Variants in CHCHD2 observed in about 807,000 individuals in gnomAD.
CHCHD2 encodes coiled-coil-helix-coiled-coil-helix domain-containing protein 2.
Under a neutral mutation model 17.5 loss-of-function variants are expected in CHCHD2, and 17 were observed. The observed-to-expected ratio is 0.97, with a 90% CI of 0.67 to 1.46. The LOEUF (loss-of-function observed/expected upper bound fraction) is 1.46. Ranked by LOEUF, CHCHD2 falls within the 40% of genes most tolerant of loss-of-function variation. CHCHD2 has a pLI of 0.00. For synonymous variants in CHCHD2, 63 were observed against 74.3 expected, an observed-to-expected ratio of 0.85 and a Z score of 0.78; for missense variants, 175 against 199.9, an observed-to-expected ratio of 0.88 and a Z score of 0.75.
At chr7:56,103,588 C>T (rs963836898) in intron 2 of CHCHD2, among the ~76,000 whole-genome samples, 11 of 152,270 alleles carry the variant, frequency 7.2e-5, no homozygotes, top group Middle Eastern at 3.4e-3. Context: ...GCCTCCGTTC[C>T]CAGCCAAAAG....
chr7:56,106,276 C>A, intron 1 of CHCHD2, 88 bp downstream of exon 1: 1 of 1,318,792 alleles, frequency 7.6e-7, no homozygotes, highest in Non-Finnish European at 1.1e-6. Context: ...GACCTTAGTT[C>A]ACCCCCGCCC....
At chr7:56,103,139 C>T (rs191557858) in intron 2 of CHCHD2, 128 bp from the exon 3 acceptor site, 1 of 845,706 alleles carries the variant, frequency 1.2e-6, no homozygotes, top group East Asian at 2.6e-5. Context: ...TTAAAGTTTC[C>T]AACTATTAAC....
chr7:56,106,409 G>A lies in CHCHD2; in HGVS notation c.5C>T (p.Pro2Leu), dbSNP rs142444896. Residue 2 changes from proline (P) to leucine (L), a missense_variant, in exon 1 of 4, where the codon CCG (proline) becomes CTG (leucine). Pro to Leu is a moderately conservative substitution (Grantham distance 98). Coordinates refer to ENST00000395422, the MANE Select transcript of CHCHD2 (RefSeq NM_016139.4). ...GGAGGTGCGGCTTCGGCTTCCACGCGGCATCCTAGGTAAGCGACGGCTAGG... is the reference window on the plus strand; with the variant it reads ...GGAGGTGCGGCTTCGGCTTCCACGCAGCATCCTAGGTAAGCGACGGCTAGG... M[P>L]RGSRSRTSRM... 6,861 of 1,613,528 alleles carry A rather than the reference G, an allele frequency of 4.3e-3. 252 individuals are homozygous for A. The highest frequency in any genetic ancestry group is 0.011 in the East Asian group (473 of 44,856).
chr7:56,105,305 A>G (rs1388448764), intron 1 of CHCHD2, among the ~76,000 whole-genome samples: 1 of 152,230 alleles, frequency 6.6e-6, no homozygotes, highest in Non-Finnish European at 1.5e-5. Flanking sequence ...AGCCCACAGT[A>G]TCTTTAAAGA....
At chr7:56,104,639 C>T (rs1236494201) in intron 1 of CHCHD2, among the ~76,000 whole-genome samples, 164 bp from the exon 2 acceptor site, 2 of 151,468 alleles carry the variant, frequency 1.3e-5, no homozygotes, top group East Asian at 3.9e-4. Flanking sequence ...TGGAGCTTCG[C>T]TCTTGTTGCC....
At chr7:56,101,966 GTTTT>G (rs913086885) in intron 3 of CHCHD2, 105 bp from the exon 4 acceptor site, 33 of 1,034,140 alleles carry the variant, frequency 3.2e-5, no homozygotes, top group African/African-American at 2.3e-4. Context: ...AAGGCTATGG[GTTTT>G]TTGTTTTTTG....
rs533113693 is a variant in CHCHD2, at chr7:56,102,726, C to T, written c.445+141G>A. On this transcript the variant is annotated intron_variant, in intron 3 of 3. Coordinates refer to ENST00000395422, the MANE Select transcript of CHCHD2 (RefSeq NM_016139.4). ...ACTCATAAAAATGACTAGAAACCTCCGGCCCAGTTGTTAGGAGTTAATTCT... is the reference window on the plus strand; with the variant it reads ...ACTCATAAAAATGACTAGAAACCTCTGGCCCAGTTGTTAGGAGTTAATTCT... 2.9e-5 allele frequency: 25 copies of T among 853,640 alleles called. No individual in the cohort carries two copies. The East Asian group carries it at 3.2e-4, about 11-fold the overall frequency. 52.9% of individuals were successfully genotyped at this position (853,640 alleles called of 1,614,324 possible). A position where few individuals can be genotyped will look rare whatever the true frequency, so the allele number is the denominator to read the frequency against.
intron 3 of CHCHD2, chr7:56,102,637 G>A (rs1785308177): frequency 4.3e-6 from 2 of 468,908 alleles, no homozygotes; most frequent in Non-Finnish European, 7.6e-6. Context: ...CAAAGTGCTG[G>A]GATTACAAGC....
chr7:56,106,293 T>C, intron 1 of CHCHD2, 71 bp downstream of exon 1: 1 of 1,465,920 alleles, frequency 6.8e-7, no homozygotes, highest in Non-Finnish European at 9.3e-7. Context: ...GCCCGCGGCC[T>C]CCCTCTGCGT....
rs1584645975 is a variant in CHCHD2 at position 56,106,421 on chromosome 7, A to C, written c.-8T>G. 3.1e-6 allele frequency: 5 copies of C among 1,613,370 alleles called. No individual in the cohort carries two copies. In the East Asian group the frequency reaches 1.1e-4, roughly 36 times the overall value. On this transcript the variant is annotated 5_prime_UTR_variant, in exon 1 of 4. Coordinates refer to ENST00000395422, the MANE Select transcript of CHCHD2 (RefSeq NM_016139.4). ...TCGGCTTCCACGCGGCATCCTAGGT[A>C]AGCGACGGCTAGGCCTCCGGACGTG...
intron 1 of CHCHD2, among the ~76,000 whole-genome samples, chr7:56,104,733 G>A (rs1023422849): frequency 2.0e-5 from 3 of 151,358 alleles, no homozygotes; most frequent in South Asian, 4.2e-4. Flanking sequence ...TCAGCCTTCC[G>A]AGTAGCTGGG....
At chr7:56,104,901 C>T (rs962702548) in intron 1 of CHCHD2, among the ~76,000 whole-genome samples, 7 of 151,374 alleles carry the variant, frequency 4.6e-5, no homozygotes, top group Non-Finnish European at 1.0e-4. Context: ...TGAACCACCA[C>T]GCACGGCCTA....
intron 1 of CHCHD2, among the ~76,000 whole-genome samples, chr7:56,105,625 T>C (rs1007961856): frequency 6.6e-6 from 1 of 152,026 alleles, no homozygotes; most frequent in Non-Finnish European, 1.5e-5. Context: ...AAATATAAAA[T>C]AGAATAAAGT....
In CHCHD2 at chr7:56,102,965, T is replaced by C. The variant is rs1253899049; in HGVS notation, c.347A>G (p.Tyr116Cys). ...QPAQQQQPCL[Y>C]EIKQFLECAQ... ...ACACTCCAGAAACTGTTTGATCTCA[T>C]AGAGGCAAGGCTGCTGCTGCTGTGC... The change falls in exon 3 of 4, where the codon TAT (tyrosine) becomes TGT (cysteine). Residue 116 changes from tyrosine (Y) to cysteine (C), a missense_variant. By Grantham distance (194) the Tyr-to-Cys change is radical. Coordinates refer to ENST00000395422, the MANE Select transcript of CHCHD2 (RefSeq NM_016139.4). 8 of 1,614,084 alleles carry C rather than the reference T, an allele frequency of 5.0e-6. No homozygotes were observed. The East Asian group carries it at 8.9e-5, about 18-fold the overall frequency.
intron 1 of CHCHD2, among the ~76,000 whole-genome samples, chr7:56,106,062 G>A (rs1365733811): frequency 1.3e-5 from 2 of 152,230 alleles, no homozygotes; most frequent in Middle Eastern, 3.4e-3. Context: ...ACCATTTCCG[G>A]ATTATTTCCT....
At chr7:56,105,602 C>T (rs1785368702) in intron 1 of CHCHD2, among the ~76,000 whole-genome samples, 1 of 152,080 alleles carries the variant, frequency 6.6e-6, no homozygotes, top group Non-Finnish European at 1.5e-5. Context: ...ATAATGAGAC[C>T]CTGTCTCTGC....
At chr7:56,105,372 G>C (rs1785363609) in intron 1 of CHCHD2, among the ~76,000 whole-genome samples, 1 of 152,184 alleles carries the variant, frequency 6.6e-6, no homozygotes, top group Admixed American at 6.5e-5. Flanking sequence ...GATTCTTACA[G>C]GATTCATTCA....
chr7:56,102,987 G>A lies in CHCHD2; in HGVS notation c.325C>T (p.Gln109Ter). The A allele has an allele frequency of 6.2e-7, 1 of 1,614,218 alleles. No individual in the cohort carries two copies. The highest frequency in any genetic ancestry group is 1.6e-4 in the Middle Eastern group (1 of 6,062). The change falls in exon 3 of 4, where the codon CAG (glutamine) becomes TAG (stop). Residue 109 changes from glutamine to a stop codon, truncating the protein, a stop_gained. Transcript: ENST00000395422. LOFTEE classifies it high-confidence loss of function. Reference protein sequence around the residue: ...YQEPQGTQPAQQQQPCLYEIK... With the variant: ...YQEPQGTQPA ...TCATAGAGGCAAGGCTGCTGCTGCT[G>A]TGCTGGCTGGGTTCCCTGAGGCTCC...
At chr7:56,106,294 C>T (rs1286154489) in intron 1 of CHCHD2, 70 bp downstream of exon 1, 4 of 1,487,626 alleles carry the variant, frequency 2.7e-6, no homozygotes, top group Non-Finnish European at 1.8e-6. Context: ...CCCGCGGCCT[C>T]CCTCTGCGTC....
Sources: allele counts gnomAD v4.1 joint callset (sites outside exome capture counted in the v4.1 genomes callset), GRCh38; gene constraint gnomAD v4.1.1; transcripts MANE v1.5; gene names NCBI Gene and HGNC (gene_info 2026-07-23, HGNC 2026-07-21).